SNX7: variants seen among roughly 807,000 people sequenced by gnomAD.
SNX7 encodes the protein sorting nexin 7.
In SNX7, 35 loss-of-function variants were observed where a neutral mutation model predicts 48.4. That is an observed-to-expected ratio of 0.72 (90% CI 0.55 to 0.96). The LOEUF is 0.96. Ranked by LOEUF, SNX7 falls within the 40% of genes least tolerant of loss-of-function variation. The pLI is 0.00. For synonymous variants in SNX7, 190 were observed against 190.2 expected, an observed-to-expected ratio of 1.00 and a Z score of 0.01; for missense variants, 553 against 548.9, an observed-to-expected ratio of 1.01 and a Z score of -0.07.
At chr1:98,749,419 T>C (rs1202688690) in intron 8 of SNX7, among the ~76,000 whole-genome samples, 1 of 152,148 alleles carries the variant, frequency 6.6e-6, no homozygotes, top group Non-Finnish European at 1.5e-5. Flanking sequence ...ATTACAAGTG[T>C]ACACTTATCA....
At chr1:98,689,355 A>T (rs1379704455) in intron 2 of SNX7, among the ~76,000 whole-genome samples, 1 of 152,200 alleles carries the variant, frequency 6.6e-6, no homozygotes, top group South Asian at 2.1e-4. Context: ...AGAAGAATGA[A>T]ATCTTACAGT....
At chr1:98,692,818 G>A (rs1343571930) in intron 4 of SNX7, among the ~76,000 whole-genome samples, 1 of 152,166 alleles carries the variant, frequency 6.6e-6, no homozygotes, top group Non-Finnish European at 1.5e-5. Flanking sequence ...ATGGTGGCAT[G>A]TAAGTCAAAA....
intron 1 of SNX7, among the ~76,000 whole-genome samples, chr1:98,681,821 C>T (rs35781053): frequency 1.8e-3 from 274 of 152,212 alleles, no homozygotes; most frequent in Middle Eastern, 3.4e-3. Flanking sequence ...GCTAATTTCC[C>T]GATTCAAATA....
intron 8 of SNX7, among the ~76,000 whole-genome samples, chr1:98,753,827 T>C (rs1467966992): frequency 6.6e-6 from 1 of 152,078 alleles, no homozygotes; most frequent in Non-Finnish European, 1.5e-5. Context: ...TTTATAAACA[T>C]TGTGGGTAGA....
intron 8 of SNX7, among the ~76,000 whole-genome samples, chr1:98,748,445 T>C (rs1261750822): frequency 6.6e-6 from 1 of 152,102 alleles, no homozygotes; most frequent in Non-Finnish European, 1.5e-5. Flanking sequence ...TCCCATCCTT[T>C]GGGCTACATA....
intron 4 of SNX7, among the ~76,000 whole-genome samples, chr1:98,693,522 T>C (rs954806530): frequency 6.6e-6 from 1 of 152,218 alleles, no homozygotes; most frequent in African/African-American, 2.4e-5. Context: ...TTCAGAACCT[T>C]AGAAGCTGTT....
intron 7 of SNX7, among the ~76,000 whole-genome samples, chr1:98,705,460 A>G (rs890557531): frequency 6.6e-6 from 1 of 152,178 alleles, no homozygotes; most frequent in Admixed American, 6.6e-5. Context: ...AGGCTTGTTT[A>G]AGGATTAAAT....
At chr1:98,676,318 A>G (rs1233663303) in intron 1 of SNX7, among the ~76,000 whole-genome samples, 1 of 152,134 alleles carries the variant, frequency 6.6e-6, no homozygotes, top group Non-Finnish European at 1.5e-5. Context: ...CCTCCCATAG[A>G]GATATAAAAT....
At chr1:98,683,260 A>T (rs1650601634) in intron 1 of SNX7, among the ~76,000 whole-genome samples, 1 of 152,124 alleles carries the variant, frequency 6.6e-6, no homozygotes, top group South Asian at 2.1e-4. Context: ...CAAATAATAA[A>T]AAGCAGAGTA....
chr1:98,697,570 A>T (rs536610575), intron 5 of SNX7, among the ~76,000 whole-genome samples: 1 of 152,278 alleles, frequency 6.6e-6, no homozygotes, highest in African/African-American at 2.4e-5. Flanking sequence ...TTGAATACAT[A>T]GCGTATCAAA....
At chr1:98,680,185 G>A (rs1650402611) in intron 1 of SNX7, among the ~76,000 whole-genome samples, 1 of 152,192 alleles carries the variant, frequency 6.6e-6, no homozygotes, top group African/African-American at 2.4e-5. Context: ...GCCAAGGCTT[G>A]AGGCTTGCAC....
intron 7 of SNX7, among the ~76,000 whole-genome samples, chr1:98,726,189 A>G (rs552192344): frequency 2.6e-5 from 4 of 152,326 alleles, no homozygotes; most frequent in East Asian, 1.9e-4. Flanking sequence ...TCGAACCCAC[A>G]GGACTTCAGA....
chr1:98,689,671 G>A (rs985080017), intron 2 of SNX7, among the ~76,000 whole-genome samples: 1 of 152,148 alleles, frequency 6.6e-6, no homozygotes. Flanking sequence ...TAGTGGACCT[G>A]TACGTATGTA....
intron 8 of SNX7, among the ~76,000 whole-genome samples, chr1:98,741,272 A>C (rs1654055031): frequency 6.6e-6 from 1 of 152,156 alleles, no homozygotes; most frequent in African/African-American, 2.4e-5. Context: ...ATTGTTTAGA[A>C]ATTAAAAGTT....
At chr1:98,675,071 A>G (rs926172556) in intron 1 of SNX7, among the ~76,000 whole-genome samples, 2 of 152,220 alleles carry the variant, frequency 1.3e-5, no homozygotes, top group African/African-American at 4.8e-5. Flanking sequence ...ATATCCAAAT[A>G]GAGACAGAGA....
At chr1:98,679,393 C>G (rs896737795) in intron 1 of SNX7, among the ~76,000 whole-genome samples, 2 of 152,090 alleles carry the variant, frequency 1.3e-5, no homozygotes, top group African/African-American at 4.8e-5. Flanking sequence ...CACAGCCAAA[C>G]CATATCACTC....
At chr1:98,724,193 T>A (rs4598508) in intron 7 of SNX7, among the ~76,000 whole-genome samples, 32,147 of 151,996 alleles carry the variant, frequency 0.21, 3,675 homozygotes, top group East Asian at 0.31. Context: ...TAATTGTACA[T>A]TTCTTATTAT....
At chr1:98,693,600 A>G (rs930232860) in intron 4 of SNX7, among the ~76,000 whole-genome samples, 2 of 152,204 alleles carry the variant, frequency 1.3e-5, no homozygotes, top group Non-Finnish European at 2.9e-5. Context: ...TGTCTCTGAT[A>G]ATGTTTACTC....
At chr1:98,748,112 G>A (rs892854614) in intron 8 of SNX7, among the ~76,000 whole-genome samples, 5 of 151,452 alleles carry the variant, frequency 3.3e-5, no homozygotes, top group African/African-American at 1.2e-4. Context: ...AAGTAACCAA[G>A]TAGCTGGGAT....
Sources: gnomAD v4.1 joint callset for allele counts (sites outside exome capture counted in the v4.1 genomes callset) on GRCh38, gnomAD v4.1.1 for gene constraint, MANE v1.5 for transcripts, NCBI Gene and HGNC (gene_info 2026-07-23, HGNC 2026-07-21) for gene names.